Variants in TRAPPC14 observed in about 807,000 individuals in gnomAD.
TRAPPC14 encodes microtubule associated protein 11.
A neutral mutation model predicts 56.6 loss-of-function variants in TRAPPC14; 24 were observed. That is an observed-to-expected ratio of 0.42 (90% confidence interval 0.31 to 0.60). TRAPPC14 has a LOEUF of 0.60. Ranked by LOEUF, TRAPPC14 falls within the 20% of genes least tolerant of loss-of-function variation. The probability of loss-of-function intolerance (pLI) is 0.14; values close to 1 mark genes in which losing one functional copy is unlikely to be tolerated. For synonymous variants in TRAPPC14, 377 were observed against 347.0 expected (o/e 1.09, Z -0.96); for missense variants, 615 against 790.3 (o/e 0.78, Z 2.66).
chr7:100,156,507 G>C lies in TRAPPC14; in HGVS notation c.1119C>G (p.Thr373=). The C allele has an allele frequency of 6.2e-7, 1 of 1,614,158 alleles. No homozygotes were observed. Among genetic ancestry groups the C allele is most frequent in the Non-Finnish European group, 8.5e-7 (1 of 1,180,018 alleles). Residue 373 remains threonine (T), a synonymous_variant, in exon 8 of 11, where the codon ACC becomes ACG. Coordinates refer to ENST00000316937, the MANE Select transcript of TRAPPC14 (RefSeq NM_018275.5). ...VRLDRPCFVM[T]ASCKSPVRTY... is the part of the protein sequence containing the mutation. ...TCCGAACAGGGGACTTACAAGAAGC[G>C]GTCATCACAAAACACGGGCGGTCCA...
chr7:100,154,882 A>T lies in TRAPPC14; in HGVS notation c.*129T>A, dbSNP rs542720050. 22 of 854,602 alleles carry T rather than the reference A, an allele frequency of 2.6e-5. No homozygotes were observed. The South Asian group carries it at 3.3e-4, about 13-fold the overall frequency. 52.9% of individuals were successfully genotyped at this position (854,602 alleles called of 1,614,324 possible). ...CATCCCTCATCAGCAGACACAAGAC[A>T]GGCAGCTCTGCCAGGCCTCTTCACC... On this transcript the variant is annotated 3_prime_UTR_variant, in exon 11 of 11. Transcript: ENST00000316937.
rs767785620 is a variant in TRAPPC14, at chr7:100,155,269, G to A, written c.1582C>T (p.Leu528Phe). Reference sequence around the variant, plus strand: ...CGCCCCCTGGTTCTGTACCTCATGAGGTGGCTTCGGGAAGGCTGCTGGTGG... The same window carrying A: ...CGCCCCCTGGTTCTGTACCTCATGAAGTGGCTTCGGGAAGGCTGCTGGTGG... ...FSHQQPSRSH[L>F]MRSGSVMERR... is the part of the protein sequence containing the mutation. Residue 528 changes from leucine to phenylalanine, a missense_variant, in exon 10 of 11, where the codon CTC (leucine) becomes TTC (phenylalanine). By Grantham distance (22) the Leu-to-Phe change is conservative. Coordinates refer to ENST00000316937, the MANE Select transcript of TRAPPC14 (RefSeq NM_018275.5). The A allele has an allele frequency of 1.3e-6, 2 of 1,569,614 alleles. No homozygotes were observed. The highest frequency in any genetic ancestry group is 2.3e-5 in the South Asian group (2 of 86,608).
chr7:100,156,459 G>C lies in TRAPPC14; in HGVS notation c.1167C>G (p.Thr389=), dbSNP rs781557580. The C allele has an allele frequency of 2.5e-6, 4 of 1,614,190 alleles. No homozygotes were observed. The highest frequency in any genetic ancestry group is 1.6e-4 in the Middle Eastern group (1 of 6,062). ...CTTGGAGATTGTTAAGCAGCGTGTA[G>C]GTGACAGTGAAACGCTCGTAGGTCC... ...PVRTYERFTV[T]YTLLNNLQDF... The change falls in exon 8 of 11, where the codon ACC becomes ACG. Residue 389 remains threonine, a synonymous_variant. Coordinates refer to ENST00000316937, the MANE Select transcript of TRAPPC14 (RefSeq NM_018275.5).
chr7:100,158,033 C>G (rs1021950492), intron 1 of TRAPPC14, 56 bp downstream of exon 1: 1 of 1,404,052 alleles, frequency 7.1e-7, no homozygotes, highest in Non-Finnish European at 9.5e-7. Context: ...CCTCCTGCCT[C>G]AGGCCCCCAG....
rs1798840357 is a variant in TRAPPC14 at position 100,154,877 on chromosome 7, A to G, written c.*134T>C. Reference sequence around the variant, plus strand: ...TCCCCCATCCCTCATCAGCAGACACAAGACAGGCAGCTCTGCCAGGCCTCT... The same window carrying G: ...TCCCCCATCCCTCATCAGCAGACACGAGACAGGCAGCTCTGCCAGGCCTCT... On this transcript the variant is annotated 3_prime_UTR_variant, in exon 11 of 11. Transcript: ENST00000316937. The G allele has an allele frequency of 9.6e-6, 8 of 831,576 alleles. No homozygotes were observed. The highest frequency in any genetic ancestry group is 4.7e-5 in the South Asian group (3 of 64,436). The allele number at this position is 831,576 out of a possible 1,614,324, so 51.5% of individuals were successfully genotyped here.
rs781516615 is a variant in TRAPPC14 at position 100,157,401 on chromosome 7, C to G, written c.696G>C (p.Val232=). 64 of 1,614,038 alleles carry G rather than the reference C, an allele frequency of 4.0e-5. No individual in the cohort carries two copies. The South Asian group carries it at 6.6e-4, about 17-fold the overall frequency. Reference sequence around the variant, plus strand: ...TGAGCACGGTCAAGTGTTTTCCAGCCACAGTGAACTGCCGGCATCTCAGAA... The same window carrying G: ...TGAGCACGGTCAAGTGTTTTCCAGCGACAGTGAACTGCCGGCATCTCAGAA... ...PPVLRCRQFT[V]AGKHLTVLKV... Residue 232 remains valine (V), a synonymous_variant, in exon 4 of 11, where the codon GTG becomes GTC. Coordinates refer to ENST00000316937, the MANE Select transcript of TRAPPC14 (RefSeq NM_018275.5).
At position 100,154,986 on chromosome 7, in the gene TRAPPC14, A is replaced by C. The variant is rs1184377486; in HGVS notation, c.*25T>G. 6.2e-7 allele frequency: 1 copy of C among 1,613,304 alleles called. No individual in the cohort carries two copies. Among genetic ancestry groups the C allele is most frequent in the Admixed American group, 1.7e-5 (1 of 59,990 alleles). Reference sequence around the variant, plus strand: ...TGGGGGCGTTGGGTCTCTGGAGTGTAAGAGGGAACAGAGCTGGCACGGTGC... The same window carrying C: ...TGGGGGCGTTGGGTCTCTGGAGTGTCAGAGGGAACAGAGCTGGCACGGTGC... On this transcript the variant is annotated 3_prime_UTR_variant, in exon 11 of 11. Transcript: ENST00000316937.
chr7:100,158,080 G>A lies in TRAPPC14; in HGVS notation c.411+9C>T. 3 of 1,464,040 alleles carry A rather than the reference G, an allele frequency of 2.0e-6. No homozygotes were observed. Among genetic ancestry groups the A allele is most frequent in the Non-Finnish European group, 1.8e-6 (2 of 1,105,130 alleles). The allele number at this position is 1,464,040 out of a possible 1,614,324, so 90.7% of individuals were successfully genotyped here. A position where few individuals can be genotyped will look rare whatever the true frequency, so the allele number is the denominator to read the frequency against. ...TCCGTCCTGTGCCAGGTCCCCCAAA[G>A]CTCCTCACCGTGGTCGCTCCCCCTG... On this transcript the variant is annotated intron_variant, in intron 1 of 10. Transcript: ENST00000316937.
rs767954737 is a variant in TRAPPC14 at position 100,157,649 on chromosome 7, G to A, written c.621C>T (p.Ser207=). 1.2e-6 allele frequency: 2 copies of A among 1,614,124 alleles called. No homozygotes were observed. The highest frequency in any genetic ancestry group is 1.1e-5 in the South Asian group (1 of 91,090). The stretch of plus-strand genomic sequence containing the variant: ...CCTGCCCACCTTGGGCCTTGAAAGC[G>A]CTCTGCTCGCCCCGGAATGTCTCCC... ...SPGETFRGEQ[S]AFKAQVSTLL... Residue 207 remains serine, a synonymous_variant, in exon 3 of 11, where the codon AGC becomes AGT. Coordinates refer to ENST00000316937, the MANE Select transcript of TRAPPC14 (RefSeq NM_018275.5).
At position 100,158,615 on chromosome 7, in the gene TRAPPC14, G is replaced by A. The variant is rs909042693; in HGVS notation, c.-116C>T. The A allele has an allele frequency of 9.1e-7, 1 of 1,095,260 alleles. No homozygotes were observed. The allele number at this position is 1,095,260 out of a possible 1,614,324, so 67.8% of individuals were successfully genotyped here. ...TCCGGCTGCTGCGCCCGGCTGGGGC[G>A]GCCGGAGAGACCGGCCCGGTCCCGG... On this transcript the variant is annotated 5_prime_UTR_variant, in exon 1 of 11. Coordinates refer to ENST00000316937, the MANE Select transcript of TRAPPC14 (RefSeq NM_018275.5).
In TRAPPC14 at chr7:100,155,661, C is replaced by T; in HGVS notation, c.1395+10G>A. ...CACTCAGCACTCAGCCCAGACCCTC[C>T]CCAGCCCACCTCGAAGAGCCCCGTC... is the stretch of plus-strand genomic sequence containing the variant. On this transcript the variant is annotated intron_variant, in intron 9 of 10. Transcript: ENST00000316937. 1 of 1,593,200 alleles carries T rather than the reference C, an allele frequency of 6.3e-7. No individual in the cohort carries two copies. The highest frequency in any genetic ancestry group is 8.6e-7 in the Non-Finnish European group (1 of 1,168,216).
intron 3 of TRAPPC14, 25 bp downstream of exon 3, chr7:100,157,608 T>C (rs763217373): frequency 1.2e-6 from 2 of 1,613,446 alleles, no homozygotes; most frequent in Non-Finnish European, 1.7e-6. Context: ...ACTCTAGCCC[T>C]TTGCCTCTGC....
chr7:100,158,527 G>C lies in TRAPPC14; in HGVS notation c.-28C>G, dbSNP rs1490407664. The C allele has an allele frequency of 7.7e-7, 1 of 1,304,506 alleles. No homozygotes were observed. Among genetic ancestry groups the C allele is most frequent in the Admixed American group, 4.2e-5 (1 of 23,976 alleles). 80.8% of individuals were successfully genotyped at this position (1,304,506 alleles called of 1,614,324 possible). On this transcript the variant is annotated 5_prime_UTR_variant, in exon 1 of 11. Transcript: ENST00000316937. ...GGCGGCGAGGACGGCGCGACTGGGA[G>C]CCCGGACCGGAGGCCGACCGCCGGC...
In TRAPPC14 at chr7:100,158,175, C is replaced by A. The variant is rs1201188926; in HGVS notation, c.325G>T (p.Asp109Tyr). 6.9e-7 allele frequency: 1 copy of A among 1,446,394 alleles called. No individual in the cohort carries two copies. The highest frequency in any genetic ancestry group is 9.0e-7 in the Non-Finnish European group (1 of 1,107,788). 89.6% of individuals were successfully genotyped at this position (1,446,394 alleles called of 1,614,324 possible). Residue 109 changes from aspartate (D) to tyrosine (Y), a missense_variant, in exon 1 of 11, where the codon GAT becomes TAT. Physicochemically the swap from Asp to Tyr is radical, Grantham distance 160. Coordinates refer to ENST00000316937, the MANE Select transcript of TRAPPC14 (RefSeq NM_018275.5). ...DQDSEPPGGG[D>Y]PGGGGLFRGC... ...CGGAACAAACCCCCACCCCCAGGAT[C>A]CCCTCCCCCTGGGGGCTCCGAATCC...
chr7:100,158,218 G>C lies in TRAPPC14; in HGVS notation c.282C>G (p.Gly94=). The C allele has an allele frequency of 6.8e-7, 1 of 1,465,328 alleles. No individual in the cohort carries two copies. Among genetic ancestry groups the C allele is most frequent in the South Asian group, 1.3e-5 (1 of 75,768 alleles). 90.8% of individuals were successfully genotyped at this position (1,465,328 alleles called of 1,614,324 possible). ...CCGAATCCTGGTCGCCGGCGCCGCC[G>C]CCCCCCGGCATCCCGCCTCCGGCGC... is the stretch of plus-strand genomic sequence containing the variant. ...SVSAGGGMPG[G]GGAGDQDSEP... is the part of the protein sequence containing the mutation. Residue 94 remains glycine, a synonymous_variant, in exon 1 of 11, where the codon GGC becomes GGG. Transcript: ENST00000316937.
rs374445646 is a variant in TRAPPC14, at chr7:100,157,221, G to C, written c.725-7C>G. ...TGAGAGGAGCTGTTCAGCACTGTGGGAGAGGACCAGCTTGGCTCAGAATAG... is the reference window on the plus strand; with the variant it reads ...TGAGAGGAGCTGTTCAGCACTGTGGCAGAGGACCAGCTTGGCTCAGAATAG... On this transcript the variant is annotated splice_polypyrimidine_tract_variant and splice_region_variant and intron_variant, in intron 4 of 10. Transcript: ENST00000316937. 104 of 1,614,000 alleles carry C rather than the reference G, an allele frequency of 6.4e-5. No individual in the cohort carries two copies. Among genetic ancestry groups the C allele is most frequent in the Non-Finnish European group, 7.9e-5 (93 of 1,180,034 alleles).
chr7:100,156,145 C>T (rs1798875601), intron 8 of TRAPPC14: 2 of 612,256 alleles, frequency 3.3e-6, no homozygotes, highest in South Asian at 1.9e-5. Context: ...AGAGTTCACA[C>T]CAGCGAGTGC....
chr7:100,156,223 C>T (rs1161643827), intron 8 of TRAPPC14, 163 bp downstream of exon 8: 2 of 671,494 alleles, frequency 3.0e-6, no homozygotes, highest in Non-Finnish European at 5.1e-6. Context: ...ATCTAGGACA[C>T]TGGGGAGACC....
At chr7:100,156,765 C>T in intron 6 of TRAPPC14, 49 bp from the exon 7 acceptor site, 2 of 1,600,648 alleles carry the variant, frequency 1.2e-6, no homozygotes, top group Admixed American at 3.4e-5. Flanking sequence ...AGTGCCCCTC[C>T]CATCTTGAGT....
Sources: allele counts gnomAD v4.1 joint callset, GRCh38; gene constraint gnomAD v4.1.1; transcripts MANE v1.5; gene names NCBI Gene and HGNC (gene_info 2026-07-23, HGNC 2026-07-21).